Variants in TEX11 observed in about 807,000 individuals in gnomAD.
The protein encoded by TEX11 is testis expressed 11.
TEX11 carries 7 observed loss-of-function variants against 84.4 expected under a neutral mutation model. The ratio of observed to expected loss-of-function variants is 0.08; its 90% confidence interval spans 0.05 to 0.16. The LOEUF (loss-of-function observed/expected upper bound fraction) is 0.16, where lower values mean the gene tolerates loss of function less well. Ranked by LOEUF, TEX11 falls within the 10% of genes least tolerant of loss-of-function variation. The pLI, the probability that TEX11 is intolerant of heterozygous loss-of-function variation, is 1.00. For missense variants in TEX11, 551 were observed against 660.5 expected, an observed-to-expected ratio of 0.83 and a Z score of 1.82; for synonymous variants, 264 against 222.8, an observed-to-expected ratio of 1.18 and a Z score of -1.64.
intron 20 of TEX11, among the ~76,000 whole-genome samples, chrX:70,621,222 T>TA (rs1406953497): frequency 1.8e-5 from 2 of 108,242 alleles, no homozygotes; most frequent in Middle Eastern, 4.8e-3. Context: ...AAAATTTAAC[T>TA]AAAAAAATAA....
At chrX:70,548,255 C>G (rs1473454814) in intron 28 of TEX11, among the ~76,000 whole-genome samples, 1 of 106,640 alleles carries the variant, frequency 9.4e-6, no homozygotes, top group Non-Finnish European at 1.9e-5. Flanking sequence ...ACATCACACA[C>G]CGGGGCCTGT....
intron 9 of TEX11, among the ~76,000 whole-genome samples, chrX:70,787,886 C>T (rs2091089477): frequency 9.0e-6 from 1 of 110,632 alleles, no homozygotes; most frequent in African/African-American, 3.3e-5. Context: ...GATCAATGAA[C>T]TATCCAAAAA....
At chrX:70,639,283 C>T (rs962055459) in intron 17 of TEX11, among the ~76,000 whole-genome samples, 4 of 111,842 alleles carry the variant, frequency 3.6e-5, no homozygotes, top group African/African-American at 6.5e-5. Flanking sequence ...CACGGAGTCT[C>T]GCTGATTGCT....
At chrX:70,552,301 T>C (rs777206669) in intron 27 of TEX11, 55 bp from the exon 28 acceptor site, 1 of 1,173,898 alleles carries the variant, frequency 8.5e-7, no homozygotes, top group Non-Finnish European at 1.1e-6. Context: ...ATTGGCTTCA[T>C]GGCTAAGATA....
At chrX:70,860,216 C>T (rs1384112444) in intron 5 of TEX11, among the ~76,000 whole-genome samples, 1 of 111,366 alleles carries the variant, frequency 9.0e-6, no homozygotes, top group African/African-American at 3.3e-5. Context: ...CTGCATTCAA[C>T]TCAGTTTTAT....
intron 2 of TEX11, among the ~76,000 whole-genome samples, chrX:70,906,118 T>A (rs2091832244): frequency 1.9e-5 from 1 of 53,755 alleles, no homozygotes; most frequent in Admixed American, 2.7e-4. Context: ...TATATATATA[T>A]ATATATATAT....
Position 70,833,495 on chromosome X carries a change from A to G in TEX11, c.606+18T>C, listed in dbSNP as rs1349319677. The G allele has an allele frequency of 1.7e-6, 2 of 1,176,005 alleles. No individual in the cohort carries two copies. Among genetic ancestry groups the G allele is most frequent in the South Asian group, 1.8e-5 (1 of 55,329 alleles). On this transcript the variant is annotated intron_variant, in intron 8 of 29. Transcript: ENST00000374333. ...ATAGCATATTTTCAAACTCTTGGAG[A>G]ATGCAGACTTCACTCACCATCTGGG...
chrX:70,651,562 A>C lies in TEX11; in HGVS notation c.1381-10T>G, dbSNP rs765345070. 1 of 1,158,902 alleles carries C rather than the reference A, an allele frequency of 8.6e-7. No homozygotes were observed. Among genetic ancestry groups the C allele is most frequent in the South Asian group, 1.8e-5 (1 of 54,357 alleles). ...CCACTGCCTCTTTGGCCTGGAAAGA[A>C]AAACACTGGGTCATTTTAATAAAAT... On this transcript the variant is annotated splice_polypyrimidine_tract_variant and intron_variant, in intron 16 of 29. Transcript: ENST00000374333.
At chrX:70,718,007 C>T (rs191218554) in intron 13 of TEX11, among the ~76,000 whole-genome samples, 138 of 111,765 alleles carry the variant, frequency 1.2e-3, no homozygotes, top group Non-Finnish European at 1.6e-3. Flanking sequence ...AGCTAAAATC[C>T]TTTCTTCTAC....
chrX:70,757,496 C>T (rs999298075), intron 9 of TEX11, among the ~76,000 whole-genome samples: 4 of 111,630 alleles, frequency 3.6e-5, no homozygotes, highest in African/African-American at 1.3e-4. Context: ...AATTTTCAAC[C>T]CAGAATTTCA....
the TEX11 span, among the ~76,000 whole-genome samples, chrX:70,513,130 G>T: frequency 9.2e-6 from 1 of 108,239 alleles, no homozygotes; most frequent in Admixed American, 9.8e-5. Flanking sequence ...AAGATGGGTG[G>T]ATCACCTGAG....
chrX:70,654,144 A>G (rs181331490), intron 16 of TEX11, among the ~76,000 whole-genome samples: 1 of 111,921 alleles, frequency 8.9e-6, no homozygotes, highest in East Asian at 2.8e-4. Context: ...TGTACAACAC[A>G]AAGACTAAAT....
At chrX:70,764,924 C>G (rs1433900681) in intron 9 of TEX11, among the ~76,000 whole-genome samples, 2 of 111,038 alleles carry the variant, frequency 1.8e-5, no homozygotes, top group South Asian at 7.6e-4. Flanking sequence ...CCTACTCAAA[C>G]TGTTCTGAAA....
rs186793644 is a variant in TEX11 at position 70,676,762 on chromosome X, T to G, written c.1242+2042A>C. Among the ~76,000 whole-genome samples, 3 of 112,242 alleles carry G rather than the reference T, an allele frequency of 2.7e-5. No homozygotes were observed. The East Asian group carries it at 8.3e-4, about 31-fold the overall frequency. The stretch of plus-strand genomic sequence containing the variant: ...CCCTAACCTCACTGAACTCTTTTAA[T>G]TTTTTTAAGGGTTTTTTCCCTGTGT... On this transcript the variant is annotated intron_variant, in intron 15 of 29. Coordinates refer to ENST00000374333, the MANE Select transcript of TEX11 (RefSeq NM_031276.3).
intron 8 of TEX11, among the ~76,000 whole-genome samples, chrX:70,821,841 A>G (rs772587350): frequency 2.4e-4 from 27 of 111,729 alleles, no homozygotes; most frequent in Admixed American, 5.7e-4. Context: ...CTGTACAATC[A>G]TTATGCAAAA....
intron 11 of TEX11, among the ~76,000 whole-genome samples, chrX:70,736,089 A>G (rs144875682): frequency 9.0e-6 from 1 of 111,454 alleles, no homozygotes; most frequent in Non-Finnish European, 1.9e-5. Flanking sequence ...CATTTTCTTG[A>G]TGATTTCCTT....
intron 17 of TEX11, among the ~76,000 whole-genome samples, chrX:70,646,293 G>A (rs1047505748): frequency 5.4e-5 from 6 of 111,836 alleles, no homozygotes; most frequent in Non-Finnish European, 1.1e-4. Context: ...AGATTTAAAC[G>A]TAAGACATGA....
At chrX:70,553,688 C>T (rs1405954892) in intron 26 of TEX11, among the ~76,000 whole-genome samples, 1 of 111,462 alleles carries the variant, frequency 9.0e-6, no homozygotes, top group East Asian at 2.8e-4. Context: ...TGCACACAGT[C>T]ATACAGGTGA....
At position 70,529,007 on chromosome X, in the gene TEX11, A is replaced by C; in HGVS notation, c.*88T>G. 2 of 702,912 alleles carry C rather than the reference A, an allele frequency of 2.8e-6. No individual in the cohort carries two copies. The highest frequency in any genetic ancestry group is 4.4e-6 in the Non-Finnish European group (2 of 456,338). The allele number at this position is 702,912 out of a possible 1,213,427, so 57.9% of individuals were successfully genotyped here. A position where few individuals can be genotyped will look rare whatever the true frequency, so the allele number is the denominator to read the frequency against. ...ATGAAAACAGGGTCTGAGCAAACAG[A>C]AACAAAAGCTCAAGAGAAACTCTGG... On this transcript the variant is annotated 3_prime_UTR_variant, in exon 30 of 30. Transcript: ENST00000374333.
Sources: allele counts gnomAD v4.1 joint callset (sites outside exome capture counted in the v4.1 genomes callset), GRCh38; gene constraint gnomAD v4.1.1; transcripts MANE v1.5; gene names NCBI Gene and HGNC (gene_info 2026-07-23, HGNC 2026-07-21).